The following CSMD1 variants were observed in gnomAD, a reference collection of about 807,000 sequenced individuals.
CSMD1 encodes CUB and sushi domain-containing protein 1.
A neutral mutation model predicts 417.5 loss-of-function variants in CSMD1; 213 were observed. The ratio of observed to expected loss-of-function variants is 0.51; its 90% CI spans 0.46 to 0.57. CSMD1 has a LOEUF of 0.57. Ranked by LOEUF, CSMD1 falls within the 20% of genes least tolerant of loss-of-function variation. The pLI, the probability that CSMD1 is intolerant of heterozygous loss-of-function variation, is 0.00. For missense variants in CSMD1, 6,923 were observed against 4,529.7 expected (o/e 1.53, Z -15.17); for synonymous variants, 2,862 against 1,736.8 (o/e 1.65, Z -16.11).
At chr8:4,148,897 A>G (rs144930339) in intron 3 of CSMD1, among the ~76,000 whole-genome samples, 2 of 152,124 alleles carry the variant, frequency 1.3e-5, no homozygotes, top group Non-Finnish European at 2.9e-5. Flanking sequence ...TCCATTCCCA[A>G]CATAGTTCAC....
chr8:2,985,723 C>G (rs535514813), intron 54 of CSMD1, among the ~76,000 whole-genome samples: 139 of 152,244 alleles, frequency 9.1e-4, no homozygotes, highest in African/African-American at 3.1e-3. Context: ...ACTCAAGGAG[C>G]TCAGTGGGAA....
At chr8:4,588,661 T>G (rs1799827727) in intron 2 of CSMD1, among the ~76,000 whole-genome samples, 1 of 151,938 alleles carries the variant, frequency 6.6e-6, no homozygotes, top group Non-Finnish European at 1.5e-5. Flanking sequence ...GGCGGGCGCC[T>G]TTAGTCCCAG....
rs560902475 is a variant in CSMD1, at chr8:4,985,516, TC to T, written c.85+8815del. 3.4e-3 allele frequency among the ~76,000 whole-genome samples: 525 copies of T among 152,306 alleles called. 1 individual carries two copies. The highest frequency in any genetic ancestry group is 6.5e-3 in the Non-Finnish European group (439 of 68,042). ...AGTATAATCCTTTTCAAGAGTCAAG[TC>T]TTCCCAATTCTCTTCCTATCCCCAG... On this transcript the variant is annotated intron_variant, in intron 1 of 69. Transcript: ENST00000635120.
At chr8:4,652,213 A>G (rs928712036) in intron 1 of CSMD1, among the ~76,000 whole-genome samples, 25 of 152,338 alleles carry the variant, frequency 1.6e-4, no homozygotes, top group African/African-American at 5.8e-4. Flanking sequence ...CAAAAGAACC[A>G]TAAAAATCAA....
chr8:3,200,770 C>T, intron 32 of CSMD1, among the ~76,000 whole-genome samples: 1 of 151,782 alleles, frequency 6.6e-6, no homozygotes, highest in Non-Finnish European at 1.5e-5. Context: ...TAGAAAATAA[C>T]AAAACATAGG....
chr8:3,355,836 G>A (rs1808743267), intron 21 of CSMD1, among the ~76,000 whole-genome samples: 2 of 152,230 alleles, frequency 1.3e-5, no homozygotes, highest in South Asian at 4.2e-4. Context: ...ATTTGCAAGT[G>A]AAAAAGAAGA....
At chr8:3,144,498 T>C (rs1261129671) in intron 40 of CSMD1, among the ~76,000 whole-genome samples, 1 of 152,130 alleles carries the variant, frequency 6.6e-6, no homozygotes, top group South Asian at 2.1e-4. Context: ...CTTTTTAGAA[T>C]GAGTAACTAG....
chr8:3,998,032 T>G lies in CSMD1; in HGVS notation c.689A>C (p.Asn230Thr). The change falls in exon 5 of 70, where the codon AAC (asparagine) becomes ACC (threonine). Residue 230 changes from asparagine to threonine, a missense_variant. Coordinates refer to ENST00000635120, the MANE Select transcript of CSMD1 (RefSeq NM_033225.6). ...SSPHFPSEYE[N>T]NADCTWTILA... is the part of the protein sequence containing the mutation. ...AATGGTCCAGGTGCAGTCCGCGTTG[T>G]TCTCGTACTCTGAAGGGAAGTGCGG... 6.2e-7 allele frequency: 1 copy of G among 1,604,832 alleles called. No homozygotes were observed. Among genetic ancestry groups the G allele is most frequent in the Non-Finnish European group, 8.5e-7 (1 of 1,175,310 alleles).
At chr8:3,756,882 G>A (rs562660164) in intron 5 of CSMD1, among the ~76,000 whole-genome samples, 12 of 152,020 alleles carry the variant, frequency 7.9e-5, no homozygotes, top group East Asian at 3.9e-4. Flanking sequence ...AGCAGTCTCC[G>A]ACTCCTGGGC....
intron 5 of CSMD1, among the ~76,000 whole-genome samples, chr8:3,816,619 C>G (rs927968400): frequency 2.6e-5 from 4 of 151,918 alleles, no homozygotes; most frequent in Non-Finnish European, 4.4e-5. Context: ...ATGTACCAAA[C>G]AGAAGAGAAT....
At chr8:4,805,017 T>C (rs2117302990) in intron 1 of CSMD1, among the ~76,000 whole-genome samples, 1 of 152,296 alleles carries the variant, frequency 6.6e-6, no homozygotes, top group East Asian at 1.9e-4. Flanking sequence ...TAGTAGAAGG[T>C]AGAATTATAC....
At chr8:4,862,202 G>T (rs768047920) in intron 1 of CSMD1, among the ~76,000 whole-genome samples, 1 of 151,994 alleles carries the variant, frequency 6.6e-6, no homozygotes, top group Non-Finnish European at 1.5e-5. Context: ...ACCTCAACGA[G>T]GCCTGGGGGG....
chr8:3,823,416 T>C (rs1288141322), intron 5 of CSMD1, among the ~76,000 whole-genome samples: 1 of 152,182 alleles, frequency 6.6e-6, no homozygotes, highest in Admixed American at 6.5e-5. Context: ...AGGGATGATA[T>C]TTCTTATGCA....
rs551304863 is a variant in CSMD1, at chr8:4,018,662, G to C, written c.610+13243C>G. The stretch of plus-strand genomic sequence containing the variant: ...AGGAGAAAACACTTGTTTAATTCAA[G>C]TTGTAATATTTGTTTCTCAATTTTA... On this transcript the variant is annotated intron_variant, in intron 4 of 69. Transcript: ENST00000635120. Among the ~76,000 whole-genome samples, 4 of 152,326 alleles carry C rather than the reference G, an allele frequency of 2.6e-5. No individual in the cohort carries two copies. The South Asian group carries it at 6.2e-4, about 24-fold the overall frequency.
At chr8:4,935,407 G>C (rs1488696876) in intron 1 of CSMD1, among the ~76,000 whole-genome samples, 5 of 152,304 alleles carry the variant, frequency 3.3e-5, no homozygotes, top group African/African-American at 7.2e-5. Flanking sequence ...CTATTACTCT[G>C]TGTTGAAGTT....
At chr8:3,040,160 G>T (rs1810991302) in intron 50 of CSMD1, among the ~76,000 whole-genome samples, 1 of 152,074 alleles carries the variant, frequency 6.6e-6, no homozygotes, top group Non-Finnish European at 1.5e-5. Context: ...AAGATGGAAA[G>T]ATTGAAAGAA....
chr8:3,612,274 G>A (rs975944621), intron 8 of CSMD1, among the ~76,000 whole-genome samples: 29 of 152,184 alleles, frequency 1.9e-4, no homozygotes, highest in East Asian at 7.7e-4. Flanking sequence ...AAACATTTGC[G>A]TACCTAATTA....
At chr8:3,469,747 C>G (rs572621488) in intron 11 of CSMD1, among the ~76,000 whole-genome samples, 6 of 152,300 alleles carry the variant, frequency 3.9e-5, no homozygotes, top group African/African-American at 1.4e-4. Flanking sequence ...TCACCTTAGG[C>G]AGTACAGAGC....
At chr8:3,547,205 G>A (rs1798704258) in intron 10 of CSMD1, among the ~76,000 whole-genome samples, 1 of 152,218 alleles carries the variant, frequency 6.6e-6, no homozygotes, top group African/African-American at 2.4e-5. Flanking sequence ...GGGCCACATG[G>A]CTTTGACTTC....
Sources: gnomAD v4.1 joint callset for allele counts (sites outside exome capture counted in the v4.1 genomes callset) on GRCh38, gnomAD v4.1.1 for gene constraint, MANE v1.5 for transcripts, NCBI Gene and HGNC (gene_info 2026-07-23, HGNC 2026-07-21) for gene names.